Variants in HEMK2 observed in about 807,000 individuals in gnomAD.
The protein encoded by HEMK2 is methyltransferase HEMK2.
At chr21:28,805,860 C>G in the HEMK2 span, among the ~76,000 whole-genome samples, 1 of 152,144 alleles carries the variant, frequency 6.6e-6, no homozygotes, top group Admixed American at 6.6e-5. Context: ...AAGTCTACAA[C>G]TGTGAAAAAT....
chr21:28,795,757 T>A, the HEMK2 span, among the ~76,000 whole-genome samples: 1 of 152,342 alleles, frequency 6.6e-6, no homozygotes, highest in South Asian at 2.1e-4. Flanking sequence ...CAGTGTGAAT[T>A]TGGAGCACAG....
the HEMK2 span, among the ~76,000 whole-genome samples, chr21:28,733,107 G>A: frequency 3.1e-4 from 47 of 152,078 alleles, no homozygotes; most frequent in South Asian, 2.1e-3. Flanking sequence ...GTGAAACCCC[G>A]TCTCTACTAA....
chr21:28,639,852 T>C, the HEMK2 span, among the ~76,000 whole-genome samples: 1 of 152,322 alleles, frequency 6.6e-6, no homozygotes, highest in Middle Eastern at 3.4e-3. Flanking sequence ...CTGTCAAAAC[T>C]TGTGCCAGTA....
the HEMK2 span, chr21:28,876,561 A>G: frequency 3.3e-6 from 3 of 922,520 alleles, no homozygotes; most frequent in Non-Finnish European, 4.9e-6. Flanking sequence ...AAGCAATTTA[A>G]TAAGTTAAAC....
At chr21:28,707,826 A>G in the HEMK2 span, among the ~76,000 whole-genome samples, 1 of 152,210 alleles carries the variant, frequency 6.6e-6, no homozygotes, top group Non-Finnish European at 1.5e-5. Flanking sequence ...CAAAGGGTAT[A>G]TGTATATCAA....
At chr21:28,635,403 A>G in the HEMK2 span, among the ~76,000 whole-genome samples, 2 of 152,126 alleles carry the variant, frequency 1.3e-5, no homozygotes, top group Non-Finnish European at 2.9e-5. Flanking sequence ...TTAAGTAATA[A>G]TCAAGTCTTC....
the HEMK2 span, among the ~76,000 whole-genome samples, chr21:28,657,522 C>T: frequency 6.6e-6 from 1 of 152,020 alleles, no homozygotes; most frequent in Non-Finnish European, 1.5e-5. Flanking sequence ...TACCAGAAAA[C>T]ACAAATTGGT....
the HEMK2 span, among the ~76,000 whole-genome samples, chr21:28,587,884 G>C: frequency 6.6e-6 from 1 of 152,174 alleles, no homozygotes. Context: ...GATTAAAATA[G>C]CATACTTTGG....
chr21:28,679,523 T>C, the HEMK2 span, among the ~76,000 whole-genome samples: 5 of 152,240 alleles, frequency 3.3e-5, no homozygotes, highest in African/African-American at 4.8e-5. Context: ...AATCCAGGAA[T>C]TGAACTCAGC....
At chr21:28,705,746 C>T in the HEMK2 span, among the ~76,000 whole-genome samples, 1 of 152,140 alleles carries the variant, frequency 6.6e-6, no homozygotes, top group South Asian at 2.1e-4. Flanking sequence ...GACTGTGTTC[C>T]TTTCTGGAGA....
the HEMK2 span, among the ~76,000 whole-genome samples, chr21:28,744,063 T>G: frequency 1.5e-4 from 23 of 151,130 alleles, no homozygotes; most frequent in South Asian, 6.3e-4. Context: ...AAGAGGGAAA[T>G]AGCAGATACT....
chr21:28,604,476 A>G, the HEMK2 span, among the ~76,000 whole-genome samples: 2 of 152,234 alleles, frequency 1.3e-5, no homozygotes, highest in East Asian at 3.8e-4. Flanking sequence ...ACCATTCCCT[A>G]TATGAGAAAG....
At chr21:28,591,242 G>T in the HEMK2 span, among the ~76,000 whole-genome samples, 1 of 152,158 alleles carries the variant, frequency 6.6e-6, no homozygotes, top group Middle Eastern at 3.2e-3. Context: ...TTCTTGAGCA[G>T]CAGGCTAACA....
chr21:28,822,420 A>T, the HEMK2 span, among the ~76,000 whole-genome samples: 3 of 151,784 alleles, frequency 2.0e-5, no homozygotes, highest in African/African-American at 7.3e-5. Context: ...AATTTGCTTT[A>T]AAAATGCTGA....
the HEMK2 span, among the ~76,000 whole-genome samples, chr21:28,731,218 T>C: frequency 6.6e-6 from 1 of 152,178 alleles, no homozygotes; most frequent in African/African-American, 2.4e-5. Context: ...ATTCTCACAA[T>C]ACCCTGTTTA....
chr21:28,718,304 A>T, the HEMK2 span, among the ~76,000 whole-genome samples: 85,618 of 151,944 alleles, frequency 0.56, 27,081 homozygotes, highest in African/African-American at 0.85. Context: ...ATGGTTTTTT[A>T]AATTATTATT....
chr21:28,883,388 T>C, the HEMK2 span, among the ~76,000 whole-genome samples: 3 of 152,208 alleles, frequency 2.0e-5, no homozygotes, highest in South Asian at 6.2e-4. Flanking sequence ...GAAATATTAA[T>C]GTGAAAGACA....
the HEMK2 span, chr21:28,880,010 A>C: frequency 8.2e-7 from 1 of 1,213,750 alleles, no homozygotes; most frequent in Non-Finnish European, 1.2e-6. Flanking sequence ...TAAATAACTG[A>C]CAAATTAATC....
chr21:28,667,889 C>A, the HEMK2 span, among the ~76,000 whole-genome samples: 3 of 152,082 alleles, frequency 2.0e-5, no homozygotes, highest in Non-Finnish European at 4.4e-5. Context: ...TGAATTAATA[C>A]ATGGAAAGTG....
Sources: allele counts gnomAD v4.1 joint callset (sites outside exome capture counted in the v4.1 genomes callset), GRCh38; gene constraint gnomAD v4.1.1; transcripts MANE v1.5; gene names NCBI Gene and HGNC (gene_info 2026-07-23, HGNC 2026-07-21).